Variants in UHRF2 observed in about 807,000 individuals in gnomAD.
UHRF2 encodes ubiquitin like with PHD and ring finger domains 2.
UHRF2 carries 23 observed loss-of-function variants against 96.8 expected under a neutral mutation model. The observed-to-expected ratio is 0.24, with a 90% CI of 0.17 to 0.34. UHRF2 has a LOEUF of 0.34. Ranked by LOEUF, UHRF2 falls within the 10% of genes least tolerant of loss-of-function variation. UHRF2 has a pLI of 1.00. For synonymous variants in UHRF2, 385 were observed against 332.6 expected (o/e 1.16, Z -1.72); for missense variants, 685 against 981.5 (o/e 0.70, Z 4.04).
chr9:6,474,583 G>A (rs928376287), intron 4 of UHRF2, among the ~76,000 whole-genome samples: 10 of 152,196 alleles, frequency 6.6e-5, no homozygotes, highest in Non-Finnish European at 1.2e-4. Context: ...GCGCAGGCCT[G>A]TAATCCCAGC....
chr9:6,484,203 G>A (rs1442640173), intron 8 of UHRF2, among the ~76,000 whole-genome samples: 1 of 151,602 alleles, frequency 6.6e-6, no homozygotes, highest in Non-Finnish European at 1.5e-5. Context: ...GACTAAAGAT[G>A]TAAAGATGTA....
intron 3 of UHRF2, among the ~76,000 whole-genome samples, chr9:6,443,510 A>G (rs1821305696): frequency 6.6e-6 from 1 of 152,238 alleles, no homozygotes; most frequent in African/African-American, 2.4e-5. Flanking sequence ...TTAAAAAACT[A>G]TTGTAAAACA....
At chr9:6,429,421 TTC>T (rs1820446394) in intron 2 of UHRF2, among the ~76,000 whole-genome samples, 1 of 152,210 alleles carries the variant, frequency 6.6e-6, no homozygotes. Context: ...GTTTTTTTGT[TTC>T]TGTTTCTTTT....
At chr9:6,451,767 G>A (rs555997536) in intron 3 of UHRF2, among the ~76,000 whole-genome samples, 2 of 133,198 alleles carry the variant, frequency 1.5e-5, no homozygotes, top group East Asian at 2.2e-4. Context: ...CACCGCGCCC[G>A]GCCTGTTTGT....
intron 4 of UHRF2, among the ~76,000 whole-genome samples, chr9:6,463,861 G>T (rs530483855): frequency 6.6e-6 from 1 of 152,230 alleles, no homozygotes; most frequent in East Asian, 1.9e-4. Flanking sequence ...AATGCATTCT[G>T]CTGTTGATAG....
chr9:6,425,585 T>C (rs1820209497), intron 2 of UHRF2, among the ~76,000 whole-genome samples: 1 of 150,686 alleles, frequency 6.6e-6, no homozygotes, highest in South Asian at 2.1e-4. Context: ...TGAAACCCCA[T>C]CTCTGCCGAA....
intron 4 of UHRF2, among the ~76,000 whole-genome samples, chr9:6,464,761 C>G (rs749654621): frequency 1.3e-5 from 2 of 152,128 alleles, no homozygotes; most frequent in Non-Finnish European, 2.9e-5. Context: ...TACCATGGGT[C>G]TGTTTTTTGT....
At chr9:6,450,450 T>G (rs1026176140) in intron 3 of UHRF2, among the ~76,000 whole-genome samples, 2 of 152,146 alleles carry the variant, frequency 1.3e-5, no homozygotes, top group African/African-American at 4.8e-5. Context: ...TAATTAAAGT[T>G]TAATTTGATT....
Position 6,473,149 on chromosome 9 carries a change from G to A in UHRF2, c.864-2242G>A, listed in dbSNP as rs79522542. Among the ~76,000 whole-genome samples the A allele has an allele frequency of 9.2e-3, 1,394 of 152,260 alleles. 20 individuals carry two copies. Among genetic ancestry groups the A allele is most frequent in the African/African-American group, 0.032 (1,314 of 41,554 alleles). ...TGGAATATCTTGTCATGCAAATAAG[G>A]AGTCCCACAAAGTCTGCTAAGTTCT... On this transcript the variant is annotated intron_variant, in intron 4 of 15. Coordinates refer to ENST00000276893, the MANE Select transcript of UHRF2 (RefSeq NM_152896.3).
intron 2 of UHRF2, among the ~76,000 whole-genome samples, chr9:6,423,270 T>G (rs1017758059): frequency 6.6e-6 from 1 of 152,220 alleles, no homozygotes; most frequent in African/African-American, 2.4e-5. Context: ...GAGTAGATCA[T>G]TATAATGTTA....
At chr9:6,432,366 A>T (rs924319652) in intron 2 of UHRF2, among the ~76,000 whole-genome samples, 1 of 152,114 alleles carries the variant, frequency 6.6e-6, no homozygotes, top group Admixed American at 6.6e-5. Flanking sequence ...TGTGGTTTGA[A>T]ACCTTTTTAT....
rs73642520 is a variant in UHRF2, at chr9:6,443,591, C to T, written c.644+9418C>T. ...TCTGTTTATCTCTCTAGTCAGAATG[C>T]TTTCACAGAACAGATACTATAAACC... On this transcript the variant is annotated intron_variant, in intron 3 of 15. Transcript: ENST00000276893. Among the ~76,000 whole-genome samples the T allele has an allele frequency of 6.8e-3, 1,037 of 152,262 alleles. 16 individuals are homozygous for T. Among genetic ancestry groups the T allele is most frequent in the African/African-American group, 0.023 (969 of 41,548 alleles).
chr9:6,493,253 G>C (rs536013334), intron 9 of UHRF2, among the ~76,000 whole-genome samples: 3 of 151,982 alleles, frequency 2.0e-5, no homozygotes, highest in Non-Finnish European at 2.9e-5. Context: ...AGCCGAGATC[G>C]TGCCACCGCA....
chr9:6,492,458 A>C (rs2130946455), intron 9 of UHRF2: 1 of 725,016 alleles, frequency 1.4e-6, no homozygotes, highest in African/African-American at 1.9e-5. Context: ...TAAGTTTCGT[A>C]ATACCTTGTT....
intron 1 of UHRF2, among the ~76,000 whole-genome samples, chr9:6,418,548 A>T (rs1040402013): frequency 1.3e-5 from 2 of 152,194 alleles, no homozygotes; most frequent in African/African-American, 4.8e-5. Flanking sequence ...TTTTAAATTC[A>T]GGACATACTT....
At chr9:6,473,880 C>T (rs567712303) in intron 4 of UHRF2, among the ~76,000 whole-genome samples, 2 of 152,292 alleles carry the variant, frequency 1.3e-5, no homozygotes, top group South Asian at 4.1e-4. Context: ...ACAGAAAAAA[C>T]TGTTTAACCC....
chr9:6,429,564 C>T (rs954171545), intron 2 of UHRF2, among the ~76,000 whole-genome samples: 2 of 152,176 alleles, frequency 1.3e-5, no homozygotes, highest in Admixed American at 6.5e-5. Flanking sequence ...CTCCTGACCT[C>T]AGGTGCTCCA....
At chr9:6,472,908 C>G (rs557820639) in intron 4 of UHRF2, among the ~76,000 whole-genome samples, 1 of 152,160 alleles carries the variant, frequency 6.6e-6, no homozygotes, top group Admixed American at 6.5e-5. Flanking sequence ...AGTAAATATC[C>G]TTTAGCCCTG....
chr9:6,459,502 C>T (rs1822394703), intron 3 of UHRF2, among the ~76,000 whole-genome samples: 1 of 152,158 alleles, frequency 6.6e-6, no homozygotes, highest in African/African-American at 2.4e-5. Context: ...AACCCCGTCT[C>T]TACTAAAAAT....
Sources: allele counts gnomAD v4.1 joint callset (sites outside exome capture counted in the v4.1 genomes callset), GRCh38; gene constraint gnomAD v4.1.1; transcripts MANE v1.5; gene names NCBI Gene and HGNC (gene_info 2026-07-23, HGNC 2026-07-21).